EPS8: variants seen among roughly 807,000 people sequenced by gnomAD.
EPS8 encodes epidermal growth factor receptor kinase substrate 8.
A neutral mutation model predicts 103.8 loss-of-function variants in EPS8; 42 were observed. The ratio of observed to expected loss-of-function variants is 0.40; its 90% CI spans 0.32 to 0.52. The LOEUF is 0.52. Among genes scored for constraint, EPS8 ranks in the 20% least tolerant of loss-of-function variants. The pLI is 0.40. For synonymous variants in EPS8, 344 were observed against 344.6 expected (o/e 1.00, Z 0.02); for missense variants, 969 against 1,005.1 (o/e 0.96, Z 0.49).
rs1157933494 is a variant in EPS8, at chr12:15,787,274, GAATGT to G, written c.-22+1882_-22+1886del. 7.9e-5 allele frequency among the ~76,000 whole-genome samples: 12 copies of G among 152,234 alleles called. No homozygotes were observed. The East Asian group carries it at 1.9e-3, about 24-fold the overall frequency. Reference sequence around the variant, plus strand: ...AGTGTAAGAAAATAACTAGGATTTGGAATGTAATAAACACAAAGTAGAGAGTAGCA... The same window carrying G: ...AGTGTAAGAAAATAACTAGGATTTGGAATAAACACAAAGTAGAGAGTAGCA... On this transcript the variant is annotated intron_variant, in intron 1 of 20. Transcript: ENST00000281172. This position sits in a 1 kb window ranked among gnomAD's most constrained non-coding sequence, Gnocchi z 4.9.
intron 1 of EPS8, among the ~76,000 whole-genome samples, chr12:15,753,280 A>G (rs1287206101): frequency 6.6e-6 from 1 of 152,216 alleles, no homozygotes; most frequent in Non-Finnish European, 1.5e-5. Context: ...AAATTGTAAG[A>G]ATGCTACTAG....
At chr12:15,643,654 G>A (rs1365094519) in intron 15 of EPS8, among the ~76,000 whole-genome samples, 1 of 148,640 alleles carries the variant, frequency 6.7e-6, no homozygotes, top group Non-Finnish European at 1.5e-5. Context: ...TGGCAGAATC[G>A]CTTGAAACAG....
chr12:15,753,945 G>A (rs951479460), intron 1 of EPS8, among the ~76,000 whole-genome samples: 19 of 152,236 alleles, frequency 1.2e-4, no homozygotes, highest in Non-Finnish European at 2.4e-4. Context: ...AGGGACAGCT[G>A]GGTATTTCAT....
chr12:15,741,924 T>C (rs1946828384), intron 1 of EPS8, among the ~76,000 whole-genome samples: 1 of 152,196 alleles, frequency 6.6e-6, no homozygotes. Flanking sequence ...CCAAGTGTTC[T>C]CACTGTTCAG....
Position 15,779,358 on chromosome 12 carries a change from T to TATAAAAGAGCACTTAAAATC in EPS8, c.-22+9802_-22+9803insGATTTTAAGTGCTCTTTTAT, listed in dbSNP as rs1947237788. Among the ~76,000 whole-genome samples, 4 of 152,354 alleles carry TATAAAAGAGCACTTAAAATC rather than the reference T, an allele frequency of 2.6e-5. No homozygotes were observed. The South Asian group carries it at 6.2e-4, about 24-fold the overall frequency. The stretch of plus-strand genomic sequence containing the variant: ...ATCAAAAGTATATCTTTCTTTAAAT[T>TATAAAAGAGCACTTAAAATC]CTAAAAGAGCACTTAAAATCATCTT... On this transcript the variant is annotated intron_variant, in intron 1 of 20. Transcript: ENST00000281172. The surrounding 1 kb of genome is among the most constrained non-coding windows in gnomAD (Gnocchi z 4.3).
At chr12:15,719,738 C>A (rs1946574227) in intron 1 of EPS8, among the ~76,000 whole-genome samples, 2 of 152,084 alleles carry the variant, frequency 1.3e-5, no homozygotes, top group African/African-American at 4.8e-5. Flanking sequence ...ATTAAGGATC[C>A]CTTTCAAGTT....
rs762425417 is a variant in EPS8 at position 15,660,757 on chromosome 12, T to C, written c.811-17A>G. Reference sequence around the variant, plus strand: ...TAAGATTTGCTGAAATTAGAAATTATAGAATAAAATATAAAACAAAACTAT... The same window carrying C: ...TAAGATTTGCTGAAATTAGAAATTACAGAATAAAATATAAAACAAAACTAT... On this transcript the variant is annotated splice_polypyrimidine_tract_variant and intron_variant, in intron 9 of 20. Transcript: ENST00000281172. The C allele has an allele frequency of 8.5e-6, 12 of 1,409,932 alleles. No homozygotes were observed. The highest frequency in any genetic ancestry group is 1.1e-5 in the Non-Finnish European group (11 of 1,007,322). The allele number at this position is 1,409,932 out of a possible 1,614,324, so 87.3% of individuals were successfully genotyped here. A position where few individuals can be genotyped will look rare whatever the true frequency, so the allele number is the denominator to read the frequency against.
intron 6 of EPS8, among the ~76,000 whole-genome samples, chr12:15,668,869 C>A (rs1386134344): frequency 6.6e-6 from 1 of 152,098 alleles, no homozygotes; most frequent in East Asian, 1.9e-4. Flanking sequence ...AATATATTAT[C>A]TACACTTTAA....
At chr12:15,673,579 C>T (rs1170197460) in intron 3 of EPS8, among the ~76,000 whole-genome samples, 2 of 152,136 alleles carry the variant, frequency 1.3e-5, no homozygotes, top group Non-Finnish European at 2.9e-5. Flanking sequence ...TAATGAAATT[C>T]ACCACTTTTG....
In EPS8 at chr12:15,771,791, G is replaced by T. The variant is rs1440070035; in HGVS notation, c.-22+17370C>A. On this transcript the variant is annotated intron_variant, in intron 1 of 20. Coordinates refer to ENST00000281172, the MANE Select transcript of EPS8 (RefSeq NM_004447.6). The surrounding 1 kb of genome is among the most constrained non-coding windows in gnomAD (Gnocchi z 4.6). ...ATTTTTGTGGCTAACTCATTACAAA[G>T]AATTCTTTGTGGCAGTATTGAGAGC... is the stretch of plus-strand genomic sequence containing the variant. Among the ~76,000 whole-genome samples the T allele has an allele frequency of 1.3e-5, 2 of 151,866 alleles. No individual in the cohort carries two copies. Among genetic ancestry groups the T allele is most frequent in the African/African-American group, 4.8e-5 (2 of 41,334 alleles).
At chr12:15,626,284 C>G (rs1363709779) in intron 18 of EPS8, among the ~76,000 whole-genome samples, 1 of 152,104 alleles carries the variant, frequency 6.6e-6, no homozygotes, top group Non-Finnish European at 1.5e-5. Context: ...CCACTCCCTA[C>G]CACCCTACCC....
chr12:15,774,686 T>C (rs1199117171), intron 1 of EPS8, among the ~76,000 whole-genome samples: 2 of 147,262 alleles, frequency 1.4e-5, no homozygotes, highest in Non-Finnish European at 3.0e-5. Flanking sequence ...TTTAAACATA[T>C]AAATATATAA....
At position 15,779,197 on chromosome 12, in the gene EPS8, C is replaced by T. The variant is rs935545851; in HGVS notation, c.-22+9964G>A. On this transcript the variant is annotated intron_variant, in intron 1 of 20. Coordinates refer to ENST00000281172, the MANE Select transcript of EPS8 (RefSeq NM_004447.6). This position sits in a 1 kb window ranked among gnomAD's most constrained non-coding sequence, Gnocchi z 4.3. ...GTCTCTATGTTTGTCAGGCTGGTCT[C>T]GAACTCCCAAACTCAGGTGATCCGC... 3.9e-5 allele frequency among the ~76,000 whole-genome samples: 6 copies of T among 152,214 alleles called. No individual in the cohort carries two copies. Among genetic ancestry groups the T allele is most frequent in the Non-Finnish European group, 5.9e-5 (4 of 68,002 alleles).
rs879827341 is a variant in EPS8, at chr12:15,700,819, C to A, written c.-21-17847G>T. On this transcript the variant is annotated intron_variant, in intron 1 of 20. Coordinates refer to ENST00000281172, the MANE Select transcript of EPS8 (RefSeq NM_004447.6). The surrounding 1 kb of genome is among the most constrained non-coding windows in gnomAD (Gnocchi z 5.1). Reference sequence around the variant, plus strand: ...CCAATGTTTTTCTTGGAAGGAAGTCCATACAAGTGCCATTTCTTTCAAACA... The same window carrying A: ...CCAATGTTTTTCTTGGAAGGAAGTCAATACAAGTGCCATTTCTTTCAAACA... Among the ~76,000 whole-genome samples the A allele has an allele frequency of 6.6e-6, 1 of 152,070 alleles. No individual in the cohort carries two copies. Among genetic ancestry groups the A allele is most frequent in the Non-Finnish European group, 1.5e-5 (1 of 68,014 alleles).
intron 1 of EPS8, among the ~76,000 whole-genome samples, chr12:15,742,014 T>C (rs1016777939): frequency 6.6e-6 from 1 of 152,222 alleles, no homozygotes; most frequent in African/African-American, 2.4e-5. Context: ...GTTTCCAGTT[T>C]CATCCATGTC....
chr12:15,687,576 A>G (rs1946113138), intron 1 of EPS8, among the ~76,000 whole-genome samples: 4 of 152,216 alleles, frequency 2.6e-5, no homozygotes, highest in African/African-American at 9.6e-5. Context: ...TTGTTTGGTT[A>G]ACAAGTGGCT....
chr12:15,639,989 G>C (rs1021813242), intron 17 of EPS8, among the ~76,000 whole-genome samples: 3 of 152,202 alleles, frequency 2.0e-5, no homozygotes, highest in Non-Finnish European at 1.5e-5. Context: ...TAACTCTAGA[G>C]AGCCTGGCAC....
chr12:15,767,061 T>A lies in EPS8; in HGVS notation c.-22+22100A>T, dbSNP rs1432297074. 1.3e-5 allele frequency among the ~76,000 whole-genome samples: 2 copies of A among 152,172 alleles called. No homozygotes were observed. The highest frequency in any genetic ancestry group is 4.8e-5 in the African/African-American group (2 of 41,442). ...ATGATGATGGTGGTGGTGAGAATGA[T>A]GATGGAGACAAATAATGACAGCAAC... is the stretch of plus-strand genomic sequence containing the variant. On this transcript the variant is annotated intron_variant, in intron 1 of 20. Transcript: ENST00000281172. The surrounding 1 kb of genome is among the most constrained non-coding windows in gnomAD (Gnocchi z 5.5).
chr12:15,692,545 A>T (rs561673300), intron 1 of EPS8, among the ~76,000 whole-genome samples: 1 of 151,978 alleles, frequency 6.6e-6, no homozygotes. Context: ...AATTCAGCAT[A>T]TTGGAAACAC....
Sources: allele counts gnomAD v4.1 joint callset (sites outside exome capture counted in the v4.1 genomes callset), GRCh38; gene constraint gnomAD v4.1.1; non-coding constraint Gnocchi (gnomAD v3.1); transcripts MANE v1.5; gene names NCBI Gene and HGNC (gene_info 2026-07-23, HGNC 2026-07-21).